MICAL3: variants seen among roughly 807,000 people sequenced by gnomAD.
The protein encoded by MICAL3 is microtubule associated monooxygenase, calponin and LIM domain containing 3, also known as [F-actin]-monooxygenase MICAL3.
A neutral mutation model predicts 207.4 loss-of-function variants in MICAL3; 62 were observed. The observed-to-expected ratio is 0.30, with a 90% CI of 0.24 to 0.37. The LOEUF is 0.37. Among genes scored for constraint, MICAL3 ranks in the 10% least tolerant of loss-of-function variants. The pLI is 1.00. For synonymous variants in MICAL3, 1,077 were observed against 1,069.3 expected, an observed-to-expected ratio of 1.01 and a Z score of -0.14; for missense variants, 2,368 against 2,635.6, an observed-to-expected ratio of 0.90 and a Z score of 2.22.
At chr22:17,833,903 A>C (rs546066463) in intron 20 of MICAL3, among the ~76,000 whole-genome samples, 1 of 152,314 alleles carries the variant, frequency 6.6e-6, no homozygotes, top group Non-Finnish European at 1.5e-5. Flanking sequence ...GCACAATGGA[A>C]GCTGAGTCTG....
chr22:17,820,800 T>C (rs1462868588), intron 25 of MICAL3, among the ~76,000 whole-genome samples: 1 of 148,778 alleles, frequency 6.7e-6, no homozygotes, highest in East Asian at 1.9e-4. Flanking sequence ...TTTATACCAT[T>C]TATCATAAAA....
Position 17,886,002 on chromosome 22 carries a change from G to A in MICAL3, c.2117C>T (p.Thr706Ile). 2 of 1,614,054 alleles carry A rather than the reference G, an allele frequency of 1.2e-6. No homozygotes were observed. Among genetic ancestry groups the A allele is most frequent in the Non-Finnish European group, 1.7e-6 (2 of 1,179,896 alleles). Reference protein sequence around the residue: ...HRGERPTLVSTLTDRRMDVAV... With the variant: ...HRGERPTLVSILTDRRMDVAV... Reference sequence around the variant, plus strand: ...AACGTCCATCCTCCTGTCTGTCAGAGTGCTCACCAGGGTCGGTCTTTCTCC... The same window carrying A: ...AACGTCCATCCTCCTGTCTGTCAGAATGCTCACCAGGGTCGGTCTTTCTCC... Residue 706 changes from threonine to isoleucine, a missense_variant, in exon 16 of 32, where the codon ACT becomes ATT. By Grantham distance (89) the Thr-to-Ile change is moderately conservative. Transcript: ENST00000441493.
At chr22:17,993,262 T>TAA (rs1250724528) in intron 1 of MICAL3, among the ~76,000 whole-genome samples, 4 of 147,956 alleles carry the variant, frequency 2.7e-5, no homozygotes, top group Admixed American at 1.4e-4. Context: ...TTTTTTTTTT[T>TAA]AATTTTACTT....
At chr22:17,957,885 G>C (rs1393586123) in intron 1 of MICAL3, among the ~76,000 whole-genome samples, 1 of 152,136 alleles carries the variant, frequency 6.6e-6, no homozygotes, top group African/African-American at 2.4e-5. Context: ...AATGGTGCCT[G>C]CATATGGAAG....
At chr22:17,887,121 A>G in intron 15 of MICAL3, 49 bp downstream of exon 15, 1 of 1,438,024 alleles carries the variant, frequency 7.0e-7, no homozygotes, top group Non-Finnish European at 9.8e-7. Context: ...TTTAACCAAA[A>G]GGGGCTATTC....
chr22:17,849,643 A>AGT lies in MICAL3; in HGVS notation c.2606-7627_2606-7626insAC, dbSNP rs1569093907. 1.7e-3 allele frequency among the ~76,000 whole-genome samples: 210 copies of AGT among 120,228 alleles called. 10 individuals carry two copies. Among genetic ancestry groups the AGT allele is most frequent in the East Asian group, 4.9e-3 (18 of 3,650 alleles). The allele number at this position is 120,228 out of a possible 152,430, so 78.9% of individuals were successfully genotyped here. A position where few individuals can be genotyped will look rare whatever the true frequency, so the allele number is the denominator to read the frequency against. On this transcript the variant is annotated intron_variant, in intron 19 of 31. Transcript: ENST00000441493. ...AGCCACTGTGCCTGGCCCAGAATGG[A>AGT]ATGTGTGTGTGTGTGTGTGTGTGTG... is the stretch of plus-strand genomic sequence containing the variant.
At chr22:17,864,560 C>T (rs1007119721) in intron 19 of MICAL3, 67 of 1,453,596 alleles carry the variant, frequency 4.6e-5, no homozygotes, top group Non-Finnish European at 6.1e-5. Context: ...CTCCTGTCTA[C>T]CTACACAGGA....
intron 1 of MICAL3, among the ~76,000 whole-genome samples, chr22:17,927,577 C>T: frequency 6.6e-6 from 1 of 152,124 alleles, no homozygotes; most frequent in East Asian, 1.9e-4. Context: ...CTTAACCTCC[C>T]AACACCCCTG....
intron 19 of MICAL3, chr22:17,863,899 G>A (rs1469887275): frequency 1.0e-6 from 1 of 985,314 alleles, no homozygotes; most frequent in Admixed American, 6.1e-5. Context: ...TAATTTTTAT[G>A]AGTTTTGTAT....
intron 1 of MICAL3, among the ~76,000 whole-genome samples, chr22:17,922,727 T>C (rs974840170): frequency 1.3e-5 from 2 of 152,132 alleles, no homozygotes; most frequent in East Asian, 3.9e-4. Context: ...TCCAGGAGGG[T>C]CCTTATTCTC....
chr22:17,932,750 G>C (rs1032168166), intron 1 of MICAL3, among the ~76,000 whole-genome samples: 2 of 152,100 alleles, frequency 1.3e-5, no homozygotes, highest in Non-Finnish European at 2.9e-5. Flanking sequence ...GATGCACATA[G>C]GCTGAAGATA....
chr22:17,861,361 C>A (rs1198451929), intron 19 of MICAL3: 3 of 985,346 alleles, frequency 3.0e-6, no homozygotes, highest in Non-Finnish European at 3.6e-6. Flanking sequence ...AACTTCAGAT[C>A]ATCTTTTCCA....
intron 19 of MICAL3, chr22:17,864,662 C>T (rs1191434901): frequency 6.2e-7 from 1 of 1,602,478 alleles, no homozygotes; most frequent in African/African-American, 1.3e-5. Flanking sequence ...CATCACTGGG[C>T]CACAGCCTGC....
chr22:17,823,670 G>A lies in MICAL3; in HGVS notation c.3194-610C>T, dbSNP rs924419676. 3.3e-5 allele frequency among the ~76,000 whole-genome samples: 5 copies of A among 152,222 alleles called. No homozygotes were observed. The South Asian group carries it at 6.2e-4, about 19-fold the overall frequency. On this transcript the variant is annotated intron_variant, in intron 22 of 31. Coordinates refer to ENST00000441493, the MANE Select transcript of MICAL3 (RefSeq NM_015241.3). The stretch of plus-strand genomic sequence containing the variant: ...ATTATCTTTAGGCTACGTGTACAAG[G>A]TATATATGACACATAAATACATTTC...
At chr22:17,969,119 T>G (rs1445882477) in intron 1 of MICAL3, among the ~76,000 whole-genome samples, 1 of 152,142 alleles carries the variant, frequency 6.6e-6, no homozygotes, top group African/African-American at 2.4e-5. Flanking sequence ...CTCAGCTCAC[T>G]GCAACCTCCA....
intron 1 of MICAL3, among the ~76,000 whole-genome samples, chr22:17,930,574 C>T (rs1933196695): frequency 6.6e-6 from 1 of 152,184 alleles, no homozygotes; most frequent in Admixed American, 6.5e-5. Context: ...CTGCACGACT[C>T]CATGTACACA....
intron 1 of MICAL3, among the ~76,000 whole-genome samples, chr22:17,940,331 G>A (rs1376057352): frequency 2.0e-5 from 3 of 152,202 alleles, no homozygotes; most frequent in South Asian, 2.1e-4. Flanking sequence ...CTTGAGCCCA[G>A]GGGATCAATG....
intron 1 of MICAL3, among the ~76,000 whole-genome samples, chr22:17,968,253 TG>T (rs982057441): frequency 1.3e-4 from 20 of 152,144 alleles, no homozygotes; most frequent in Middle Eastern, 3.4e-3. Flanking sequence ...GCGTGCCCAG[TG>T]CCGAGCCCTG....
intron 1 of MICAL3, among the ~76,000 whole-genome samples, chr22:17,982,005 T>G (rs1185267777): frequency 1.3e-5 from 2 of 151,890 alleles, no homozygotes; most frequent in Non-Finnish European, 2.9e-5. Flanking sequence ...CTTAGGAGGC[T>G]GAGGTGAGAG....
Sources: allele counts gnomAD v4.1 joint callset (sites outside exome capture counted in the v4.1 genomes callset), GRCh38; gene constraint gnomAD v4.1.1; transcripts MANE v1.5; gene names NCBI Gene and HGNC (gene_info 2026-07-23, HGNC 2026-07-21).